Variants in PDE7B observed in about 807,000 individuals in gnomAD.
PDE7B encodes the protein 3',5'-cyclic-AMP phosphodiesterase 7B.
Under a neutral mutation model 56.2 loss-of-function variants are expected in PDE7B, and 29 were observed. The ratio of observed to expected loss-of-function variants is 0.52; its 90% confidence interval spans 0.38 to 0.70. The LOEUF (loss-of-function observed/expected upper bound fraction) is 0.70. Among genes scored for constraint, PDE7B ranks in the 30% least tolerant of loss-of-function variants. PDE7B has a pLI of 0.00. For missense variants in PDE7B, 490 were observed against 565.0 expected, an observed-to-expected ratio of 0.87 and a Z score of 1.35; for synonymous variants, 197 against 196.9, an observed-to-expected ratio of 1.00 and a Z score of 0.00.
chr6:136,170,180 G>C (rs1284619240), intron 8 of PDE7B, among the ~76,000 whole-genome samples: 1 of 152,168 alleles, frequency 6.6e-6, no homozygotes, highest in African/African-American at 2.4e-5. Flanking sequence ...GGGTGGCTCA[G>C]ATACAGTAGG....
rs576491516 is a variant in PDE7B at position 136,103,957 on chromosome 6, A to G, written c.83-4774A>G. Reference sequence around the variant, plus strand: ...CCACCCTCTTTGCCAGTTACATAAGAGGCTACATAGACATCTGCTTCCTAG... The same window carrying G: ...CCACCCTCTTTGCCAGTTACATAAGGGGCTACATAGACATCTGCTTCCTAG... On this transcript the variant is annotated intron_variant, in intron 2 of 12. Coordinates refer to ENST00000308191, the MANE Select transcript of PDE7B (RefSeq NM_018945.4). Among the ~76,000 whole-genome samples, 3 of 152,292 alleles carry G rather than the reference A, an allele frequency of 2.0e-5. No individual in the cohort carries two copies. The South Asian group carries it at 6.2e-4, about 32-fold the overall frequency.
At chr6:135,960,242 C>G (rs534527848) in intron 2 of PDE7B, among the ~76,000 whole-genome samples, 14 of 152,220 alleles carry the variant, frequency 9.2e-5, no homozygotes, top group African/African-American at 3.1e-4. Flanking sequence ...TAGGACATAA[C>G]AATAAATAAA....
intron 2 of PDE7B, among the ~76,000 whole-genome samples, chr6:136,075,283 T>C (rs1432851535): frequency 6.6e-6 from 1 of 152,174 alleles, no homozygotes; most frequent in Non-Finnish European, 1.5e-5. Flanking sequence ...GCTCTAATAC[T>C]ATATAAATTA....
At chr6:136,110,707 G>C (rs1315023899) in intron 3 of PDE7B, among the ~76,000 whole-genome samples, 1 of 146,088 alleles carries the variant, frequency 6.8e-6, no homozygotes, top group African/African-American at 2.6e-5. Context: ...ATAGGATTCT[G>C]CAACATTTTT....
intron 8 of PDE7B, among the ~76,000 whole-genome samples, chr6:136,164,424 C>T (rs1778761303): frequency 6.6e-6 from 1 of 152,092 alleles, no homozygotes; most frequent in African/African-American, 2.4e-5. Flanking sequence ...GATGGGGACA[C>T]AGCCAAACCA....
chr6:135,973,079 C>T (rs1775121178), intron 2 of PDE7B, among the ~76,000 whole-genome samples: 1 of 152,134 alleles, frequency 6.6e-6, no homozygotes, highest in African/African-American at 2.4e-5. Context: ...ATCTAGAGCT[C>T]ATTCATCTTG....
intron 2 of PDE7B, among the ~76,000 whole-genome samples, chr6:135,977,499 C>T (rs1369097707): frequency 3.9e-5 from 6 of 152,128 alleles, no homozygotes; most frequent in Admixed American, 3.9e-4. Flanking sequence ...GCATGCTGAC[C>T]TTGAGGGTTA....
chr6:136,050,116 G>A (rs1267005628), intron 2 of PDE7B, among the ~76,000 whole-genome samples: 2 of 152,162 alleles, frequency 1.3e-5, no homozygotes, highest in Non-Finnish European at 2.9e-5. Context: ...CTCAACTCCA[G>A]CCGAGGCTTC....
At chr6:135,970,036 A>G (rs1448563404) in intron 2 of PDE7B, among the ~76,000 whole-genome samples, 1 of 152,146 alleles carries the variant, frequency 6.6e-6, no homozygotes, top group African/African-American at 2.4e-5. Context: ...CATATCAAAA[A>G]TCCAGCAATT....
At chr6:136,150,163 T>C (rs1006133385) in intron 5 of PDE7B, among the ~76,000 whole-genome samples, 3 of 152,188 alleles carry the variant, frequency 2.0e-5, no homozygotes, top group Admixed American at 2.0e-4. Context: ...ATGCTACAAC[T>C]AGTTCAAAGG....
rs1198509666 is a variant in PDE7B at position 135,883,418 on chromosome 6, G to A, written c.21+31399G>A. On this transcript the variant is annotated intron_variant, in intron 1 of 12. Coordinates refer to ENST00000308191, the MANE Select transcript of PDE7B (RefSeq NM_018945.4). ...CTCTCAATGTCTAATATTTATTAAC[G>A]AGCTATGTTAATTCTCCTAGGCCAT... is the stretch of plus-strand genomic sequence containing the variant. 5.3e-5 allele frequency among the ~76,000 whole-genome samples: 8 copies of A among 152,202 alleles called. No individual in the cohort carries two copies. The East Asian group carries it at 1.4e-3, about 26-fold the overall frequency.
At chr6:136,072,895 G>A (rs1777072618) in intron 2 of PDE7B, 1 of 152,176 alleles carries the variant, frequency 6.6e-6, no homozygotes, top group African/African-American at 2.4e-5. Flanking sequence ...GATCTTTCAG[G>A]CCTGTCAGCA....
chr6:135,901,642 C>T (rs576125480), intron 1 of PDE7B, among the ~76,000 whole-genome samples: 17 of 152,116 alleles, frequency 1.1e-4, no homozygotes, highest in African/African-American at 2.4e-4. Context: ...CAAATTGACC[C>T]GGCAGCACAC....
At chr6:135,970,835 C>T (rs571725507) in intron 2 of PDE7B, among the ~76,000 whole-genome samples, 12 of 152,202 alleles carry the variant, frequency 7.9e-5, no homozygotes, top group East Asian at 7.7e-4. Flanking sequence ...CGTTTGGATC[C>T]AGGCAATATT....
chr6:135,991,820 GC>G (rs1775484183), intron 2 of PDE7B: 1 of 152,174 alleles, frequency 6.6e-6, no homozygotes, highest in African/African-American at 2.4e-5. Flanking sequence ...AAGACTTTAT[GC>G]CTATGCCTTG....
intron 1 of PDE7B, among the ~76,000 whole-genome samples, chr6:135,914,912 G>T (rs1236236576): frequency 6.6e-6 from 1 of 151,608 alleles, no homozygotes; most frequent in Non-Finnish European, 1.5e-5. Flanking sequence ...GACCAACATG[G>T]TGAAAGCTCA....
At position 136,155,754 on chromosome 6, in the gene PDE7B, A is replaced by G. The variant is rs1302946033; in HGVS notation, c.707A>G (p.Tyr236Cys). 1.2e-6 allele frequency: 2 copies of G among 1,613,872 alleles called. No individual in the cohort carries two copies. Among genetic ancestry groups the G allele is most frequent in the Non-Finnish European group, 1.7e-6 (2 of 1,179,932 alleles). ...ACTAACCACCATCTTGCAAACCTAT[A>G]TCAGGTAAGGGAGCCCAACCTGGAG... ...IKTNHHLANLYQNMSVLENHH... is the reference protein window; with the variant it reads ...IKTNHHLANLCQNMSVLENHH... The change falls in exon 8 of 13, where the codon TAT becomes TGT. Residue 236 changes from tyrosine to cysteine, a missense_variant. By Grantham distance (194) the Tyr-to-Cys change is radical. Transcript: ENST00000308191.
At chr6:135,977,973 A>G (rs766318926) in intron 2 of PDE7B, among the ~76,000 whole-genome samples, 39 of 152,170 alleles carry the variant, frequency 2.6e-4, no homozygotes, top group Non-Finnish European at 1.9e-4. Context: ...ATATACACAT[A>G]ATGAGTATAT....
At chr6:135,917,428 C>T (rs1249198865) in intron 1 of PDE7B, among the ~76,000 whole-genome samples, 1 of 151,782 alleles carries the variant, frequency 6.6e-6, no homozygotes, top group African/African-American at 2.4e-5. Context: ...TTTTTTAATT[C>T]TAAAAGTTTC....
Sources: gnomAD v4.1 joint callset for allele counts (sites outside exome capture counted in the v4.1 genomes callset) on GRCh38, gnomAD v4.1.1 for gene constraint, MANE v1.5 for transcripts, NCBI Gene and HGNC (gene_info 2026-07-23, HGNC 2026-07-21) for gene names.